Variants in FAM135A observed in about 807,000 individuals in gnomAD.
FAM135A encodes the protein protein FAM135A.
In FAM135A, 79 loss-of-function variants were observed where a neutral mutation model predicts 146.8. The ratio of observed to expected loss-of-function variants is 0.54; its 90% CI spans 0.45 to 0.65. The LOEUF (loss-of-function observed/expected upper bound fraction) is 0.65, where lower values mean the gene tolerates loss of function less well. Among genes scored for constraint, FAM135A ranks in the 30% least tolerant of loss-of-function variants. The pLI is 0.00. For synonymous variants in FAM135A, 562 were observed against 603.6 expected (o/e 0.93, Z 1.01); for missense variants, 1,623 against 1,758.2 (o/e 0.92, Z 1.38).
intron 5 of FAM135A, among the ~76,000 whole-genome samples, chr6:70,470,670 C>G (rs1178221662): frequency 6.6e-6 from 1 of 152,182 alleles, no homozygotes; most frequent in Non-Finnish European, 1.5e-5. Flanking sequence ...ACTATCACTT[C>G]TATCACATAG....
intron 12 of FAM135A, among the ~76,000 whole-genome samples, chr6:70,521,954 T>G (rs959494734): frequency 6.6e-6 from 1 of 152,186 alleles, no homozygotes; most frequent in Non-Finnish European, 1.5e-5. Context: ...TTCACTCTTG[T>G]CGCCCAGGCT....
chr6:70,486,897 A>G (rs917155493), intron 10 of FAM135A, among the ~76,000 whole-genome samples: 13 of 152,096 alleles, frequency 8.5e-5, no homozygotes, highest in African/African-American at 2.9e-4. Flanking sequence ...ATTGCACTCC[A>G]GCCTAGGCAA....
Position 70,528,533 on chromosome 6 carries a change from T to G in FAM135A, c.3775+81T>G, listed in dbSNP as rs972009938. On this transcript the variant is annotated intron_variant, in intron 16 of 21. Transcript: ENST00000418814. ...AGATCTCATTTAGTTTCATTTAGTCTTTGAACTAAAAAAAGATTTTTTAAT... is the reference window on the plus strand; with the variant it reads ...AGATCTCATTTAGTTTCATTTAGTCGTTGAACTAAAAAAAGATTTTTTAAT... The G allele has an allele frequency of 3.1e-6, 4 of 1,274,876 alleles. No homozygotes were observed. In the African/African-American group the frequency reaches 6.0e-5, roughly 19 times the overall value. 79.0% of individuals were successfully genotyped at this position (1,274,876 alleles called of 1,614,324 possible).
At chr6:70,513,990 G>GTT (rs145529786) in intron 12 of FAM135A, among the ~76,000 whole-genome samples, 1 of 148,918 alleles carries the variant, frequency 6.7e-6, no homozygotes, top group Admixed American at 6.7e-5. Flanking sequence ...GTTGTTGTTT[G>GTT]TTTTTTTTTG....
intron 4 of FAM135A, among the ~76,000 whole-genome samples, chr6:70,447,567 G>A (rs1202842187): frequency 6.6e-6 from 1 of 152,186 alleles, no homozygotes; most frequent in African/African-American, 2.4e-5. Context: ...ATCTACTGGG[G>A]CACTACCGGC....
At chr6:70,442,083 G>C (rs760397202) in intron 4 of FAM135A, among the ~76,000 whole-genome samples, 8 of 151,836 alleles carry the variant, frequency 5.3e-5, no homozygotes, top group African/African-American at 1.9e-4. Flanking sequence ...TTTTATGTTT[G>C]TGTCTCTTTT....
chr6:70,523,182 T>A (rs1793980634), intron 13 of FAM135A, among the ~76,000 whole-genome samples: 1 of 152,176 alleles, frequency 6.6e-6, no homozygotes, highest in East Asian at 1.9e-4. Flanking sequence ...AGGACATGGT[T>A]TTCTTGGCAT....
chr6:70,547,953 G>A (rs917516313), intron 20 of FAM135A, among the ~76,000 whole-genome samples: 4 of 152,182 alleles, frequency 2.6e-5, no homozygotes, highest in African/African-American at 9.6e-5. Context: ...GGGGCTCAGT[G>A]AAGTATTCAC....
At position 70,533,854 on chromosome 6, in the gene FAM135A, G is replaced by T. The variant is rs780047789; in HGVS notation, c.3965G>T (p.Ser1322Ile). The T allele has an allele frequency of 1.4e-6, 2 of 1,412,342 alleles. No homozygotes were observed. Among genetic ancestry groups the T allele is most frequent in the Non-Finnish European group, 1.9e-6 (2 of 1,046,966 alleles). The allele number at this position is 1,412,342 out of a possible 1,614,324, so 87.5% of individuals were successfully genotyped here. ...TATAGTCTAACAGTCTCAAAAATAA[G>T]GTATCTTCTTTAATATTATGCAATT... The part of the protein sequence containing the change: ...QIYSLTVSKI[S>I]FIGHSLGNLI... The change falls in exon 18 of 22, where the codon AGC (serine) becomes ATC (isoleucine). Residue 1322 changes from serine (S) to isoleucine (I), a missense_variant and splice_region_variant. This residue lies in a region of FAM135A where 1,061 missense variants were observed against 1,113.8 expected (regional missense o/e 0.95). Coordinates refer to ENST00000418814, the MANE Select transcript of FAM135A (RefSeq NM_001162529.3).
At chr6:70,474,280 CTTTTTT>C (rs200432127) in intron 5 of FAM135A, among the ~76,000 whole-genome samples, 1 of 149,754 alleles carries the variant, frequency 6.7e-6, no homozygotes, top group South Asian at 2.1e-4. Context: ...TTTTCTTTTT[CTTTTTT>C]TTCTCTAGTT....
chr6:70,502,679 A>G lies in FAM135A; in HGVS notation c.917A>G (p.Asn306Ser), dbSNP rs746917576. ...GAACTGGCAGAACTTATAAATATGA[A>G]TCTTGCGCAACTTTGCTCACTTTTG... ...PDELAELINM[N>S]LAQLCSLLMA... The change falls in exon 12 of 22, where the codon AAT becomes AGT. Residue 306 changes from asparagine (N) to serine (S), a missense_variant. Transcript: ENST00000418814. The G allele has an allele frequency of 1.9e-6, 3 of 1,613,224 alleles. No homozygotes were observed. The highest frequency in any genetic ancestry group is 1.7e-5 in the Admixed American group (1 of 59,972).
At chr6:70,421,674 G>A (rs1000753520) in intron 2 of FAM135A, among the ~76,000 whole-genome samples, 2 of 152,102 alleles carry the variant, frequency 1.3e-5, no homozygotes, top group Non-Finnish European at 1.5e-5. Flanking sequence ...TACTTGGCTG[G>A]ATTCTCACTT....
intron 2 of FAM135A, among the ~76,000 whole-genome samples, chr6:70,419,838 C>T (rs143609039): frequency 9.4e-4 from 143 of 152,240 alleles, no homozygotes; most frequent in African/African-American, 2.8e-3. Context: ...CCTGAATCCA[C>T]GTTTACTACA....
At chr6:70,532,579 C>T (rs909344733) in intron 16 of FAM135A, among the ~76,000 whole-genome samples, 7 of 152,116 alleles carry the variant, frequency 4.6e-5, no homozygotes, top group African/African-American at 1.7e-4. Context: ...GATGTGCTAA[C>T]AGTTTGATAA....
chr6:70,444,245 A>C (rs563147091), intron 4 of FAM135A, among the ~76,000 whole-genome samples: 1 of 152,084 alleles, frequency 6.6e-6, no homozygotes, highest in South Asian at 2.1e-4. Flanking sequence ...TCTGCTAAAA[A>C]TACAAAAATT....
intron 20 of FAM135A, among the ~76,000 whole-genome samples, chr6:70,551,455 CA>C (rs1052467552): frequency 6.6e-6 from 1 of 151,652 alleles, no homozygotes; most frequent in East Asian, 1.9e-4. Context: ...CAAAAAATAA[CA>C]AAAAAAATAC....
At chr6:70,419,405 C>T (rs368603659) in intron 2 of FAM135A, among the ~76,000 whole-genome samples, 1 of 137,046 alleles carries the variant, frequency 7.3e-6, no homozygotes, top group Admixed American at 7.7e-5. Flanking sequence ...GGTGACAGAG[C>T]GAGACTTCGT....
intron 2 of FAM135A, among the ~76,000 whole-genome samples, chr6:70,425,617 A>G (rs1769898241): frequency 6.6e-6 from 1 of 152,180 alleles, no homozygotes; most frequent in African/African-American, 2.4e-5. Flanking sequence ...CAAAAGATAG[A>G]TTTTTTTAAA....
intron 20 of FAM135A, among the ~76,000 whole-genome samples, chr6:70,539,601 G>A (rs1797463093): frequency 6.6e-6 from 1 of 152,104 alleles, no homozygotes; most frequent in African/African-American, 2.4e-5. Context: ...CTCCTCCACT[G>A]TTATATAAAA....
Sources: gnomAD v4.1 joint callset for allele counts (sites outside exome capture counted in the v4.1 genomes callset) on GRCh38, gnomAD v4.1.1 for gene constraint, gnomAD v4.1.1 regional missense constraint, MANE v1.5 for transcripts, NCBI Gene and HGNC (gene_info 2026-07-23, HGNC 2026-07-21) for gene names.